The following MAP3K5 variants were observed in gnomAD, a reference collection of about 807,000 sequenced individuals.
MAP3K5 encodes the protein mitogen-activated protein kinase kinase kinase 5.
In MAP3K5, 56 loss-of-function variants were observed where a neutral mutation model predicts 158.7. The ratio of observed to expected loss-of-function variants is 0.35; its 90% CI spans 0.28 to 0.44. The LOEUF (loss-of-function observed/expected upper bound fraction) is 0.44. Ranked by LOEUF, MAP3K5 falls within the 20% of genes least tolerant of loss-of-function variation. The pLI is 1.00. For missense variants in MAP3K5, 1,294 were observed against 1,674.8 expected, an observed-to-expected ratio of 0.77 and a Z score of 3.97; for synonymous variants, 579 against 601.7, an observed-to-expected ratio of 0.96 and a Z score of 0.55.
chr6:136,594,769 A>G (rs190158583), intron 21 of MAP3K5, among the ~76,000 whole-genome samples: 20 of 152,238 alleles, frequency 1.3e-4, no homozygotes, highest in Admixed American at 1.3e-3. Flanking sequence ...AGAAGAGTAC[A>G]AGATGAGGGA....
intron 18 of MAP3K5, among the ~76,000 whole-genome samples, chr6:136,607,872 G>A (rs1011336889): frequency 6.6e-6 from 1 of 152,160 alleles, no homozygotes; most frequent in Admixed American, 6.5e-5. Context: ...TAAATTATCA[G>A]CACAGTAAGT....
intron 14 of MAP3K5, among the ~76,000 whole-genome samples, chr6:136,626,233 G>C (rs372776732): frequency 2.4e-4 from 37 of 152,268 alleles, no homozygotes; most frequent in African/African-American, 8.4e-4. Context: ...GTCTTCTGGG[G>C]AAAATTATGC....
intron 1 of MAP3K5, among the ~76,000 whole-genome samples, chr6:136,790,234 G>A (rs1049877305): frequency 6.6e-6 from 1 of 152,092 alleles, no homozygotes; most frequent in African/African-American, 2.4e-5. Context: ...AGCCTTGTTA[G>A]GAAAGTTTCT....
chr6:136,711,597 T>C lies in MAP3K5; in HGVS notation c.589-6464A>G, dbSNP rs924671108. 4.7e-5 allele frequency among the ~76,000 whole-genome samples: 7 copies of C among 149,626 alleles called. No homozygotes were observed. In the East Asian group the frequency reaches 1.4e-3, roughly 29 times the overall value. On this transcript the variant is annotated intron_variant, in intron 2 of 29. Coordinates refer to ENST00000359015, the MANE Select transcript of MAP3K5 (RefSeq NM_005923.4). ...GGGAGGATTGCTTGAACCTGGGAGG[T>C]GGAGGTTGCACTGAGCCAAAATGGC...
At chr6:136,718,873 T>A (rs140393420) in intron 2 of MAP3K5, among the ~76,000 whole-genome samples, 1 of 152,298 alleles carries the variant, frequency 6.6e-6, no homozygotes, top group Admixed American at 6.5e-5. Flanking sequence ...CCTGCTTAAA[T>A]AAACTTAATC....
chr6:136,628,892 A>T (rs529516787), intron 14 of MAP3K5, among the ~76,000 whole-genome samples: 1 of 152,340 alleles, frequency 6.6e-6, no homozygotes, highest in African/African-American at 2.4e-5. Context: ...GAAACAAGAG[A>T]CTGGTTCAGC....
Position 136,680,177 on chromosome 6 carries a change from G to A in MAP3K5, c.1254-10782C>T, listed in dbSNP as rs572944259. On this transcript the variant is annotated intron_variant, in intron 7 of 29. Transcript: ENST00000359015. ...AGTAATGGTGGTGCCCAGGGCCGGC[G>A]GAAGGAGAGAATGGGCAACTGTTGT... 3.9e-5 allele frequency among the ~76,000 whole-genome samples: 6 copies of A among 152,188 alleles called. No homozygotes were observed. In the South Asian group the frequency reaches 8.3e-4, roughly 21 times the overall value.
In MAP3K5 at chr6:136,614,003, T is replaced by C. The variant is rs549425148; in HGVS notation, c.2278+156A>G. ...ATTTTCTAAATCTCATCATTTATGG[T>C]TGACATCTCCTAACAAACTGGAGGT... On this transcript the variant is annotated intron_variant, in intron 16 of 29. Coordinates refer to ENST00000359015, the MANE Select transcript of MAP3K5 (RefSeq NM_005923.4). Among the ~76,000 whole-genome samples, 3 of 152,348 alleles carry C rather than the reference T, an allele frequency of 2.0e-5. No homozygotes were observed. In the South Asian group the frequency reaches 6.2e-4, roughly 32 times the overall value.
At chr6:136,654,371 A>G (rs757527597) in intron 10 of MAP3K5, among the ~76,000 whole-genome samples, 1 of 152,134 alleles carries the variant, frequency 6.6e-6, no homozygotes, top group Non-Finnish European at 1.5e-5. Context: ...CTTAATTTGC[A>G]TTTTCTTGAC....
intron 26 of MAP3K5, 92 bp downstream of exon 26, chr6:136,567,539 G>T: frequency 2.3e-6 from 3 of 1,321,362 alleles, no homozygotes; most frequent in Non-Finnish European, 3.1e-6. Flanking sequence ...TCCATGAATG[G>T]GATAAGGGAA....
chr6:136,727,732 G>A (rs1027095341), intron 1 of MAP3K5, among the ~76,000 whole-genome samples: 6 of 152,112 alleles, frequency 3.9e-5, no homozygotes, highest in Non-Finnish European at 7.4e-5. Flanking sequence ...AGGCCAAGGC[G>A]GGCGGACCAC....
upstream of MAP3K5, among the ~76,000 whole-genome samples, chr6:136,792,876 C>A (rs1013810444): frequency 6.6e-6 from 1 of 152,200 alleles, no homozygotes; most frequent in Non-Finnish European, 1.5e-5. The surrounding 1 kb of genome is among the most constrained non-coding windows in gnomAD (Gnocchi z 5.7). Flanking sequence ...CCACTCGTAG[C>A]GGCACCGAGG....
At chr6:136,690,390 C>A (rs1020676728) in intron 7 of MAP3K5, among the ~76,000 whole-genome samples, 1 of 151,910 alleles carries the variant, frequency 6.6e-6, no homozygotes, top group Non-Finnish European at 1.5e-5. Context: ...TCTGCTGGAC[C>A]TAGGGGAGGC....
chr6:136,783,352 C>T (rs1784700676), intron 1 of MAP3K5, among the ~76,000 whole-genome samples: 1 of 150,846 alleles, frequency 6.6e-6, no homozygotes, highest in Non-Finnish European at 1.5e-5. Flanking sequence ...ATCATTTTGC[C>T]TTGATTTCCT....
intron 12 of MAP3K5, among the ~76,000 whole-genome samples, chr6:136,639,897 T>C (rs1221002613): frequency 6.6e-6 from 1 of 152,178 alleles, no homozygotes; most frequent in Non-Finnish European, 1.5e-5. Flanking sequence ...AAACTACACA[T>C]CCTTTCAACA....
In MAP3K5 at chr6:136,655,707, AGTGTGTGTGTGTGTGT is replaced by A. The variant is rs61536898; in HGVS notation, c.1680+584_1680+599del. 6.1e-3 allele frequency among the ~76,000 whole-genome samples: 920 copies of A among 149,998 alleles called. 9 individuals carry two copies. The highest frequency in any genetic ancestry group is 0.022 in the African/African-American group (885 of 41,018). ...TGAGAAGAGCAATAAATTTTTTTAA[AGTGTGTGTGTGTGTGT>A]GTGTGTGTGTGTGTATTATACATTT... On this transcript the variant is annotated intron_variant, in intron 10 of 29. Transcript: ENST00000359015.
chr6:136,780,281 G>C (rs1316099203), intron 1 of MAP3K5, among the ~76,000 whole-genome samples: 3 of 152,178 alleles, frequency 2.0e-5, no homozygotes, highest in African/African-American at 7.2e-5. Context: ...ATATGGTTTG[G>C]TAGAGATACA....
At chr6:136,674,397 G>A (rs902991141) in intron 7 of MAP3K5, among the ~76,000 whole-genome samples, 2 of 151,918 alleles carry the variant, frequency 1.3e-5, no homozygotes, top group Non-Finnish European at 2.9e-5. Context: ...ATGTAAGGTA[G>A]ACTATAAAAG....
chr6:136,753,952 G>T lies in MAP3K5; in HGVS notation c.449-33363C>A, dbSNP rs539164260. Among the ~76,000 whole-genome samples the T allele has an allele frequency of 2.6e-5, 4 of 152,318 alleles. 1 individual carries two copies. Among genetic ancestry groups the T allele is most frequent in the African/African-American group, 9.6e-5 (4 of 41,576 alleles). Reference sequence around the variant, plus strand: ...AACTGAAAGGTGCTAGTGAGAAGCAGCAAGTTCAGTTTGGTGGAAGAGGAG... The same window carrying T: ...AACTGAAAGGTGCTAGTGAGAAGCATCAAGTTCAGTTTGGTGGAAGAGGAG... On this transcript the variant is annotated intron_variant, in intron 1 of 29. Coordinates refer to ENST00000359015, the MANE Select transcript of MAP3K5 (RefSeq NM_005923.4).
Sources: allele counts gnomAD v4.1 joint callset (sites outside exome capture counted in the v4.1 genomes callset), GRCh38; gene constraint gnomAD v4.1.1; non-coding constraint Gnocchi (gnomAD v3.1); transcripts MANE v1.5; gene names NCBI Gene and HGNC (gene_info 2026-07-23, HGNC 2026-07-21).